ZNF365: variants seen among roughly 807,000 people sequenced by gnomAD.
The protein encoded by ZNF365 is zinc finger protein 365, also known as protein ZNF365.
A neutral mutation model predicts 35.0 loss-of-function variants in ZNF365; 22 were observed. The ratio of observed to expected loss-of-function variants is 0.63; its 90% CI spans 0.45 to 0.90. The LOEUF is 0.90. Among genes scored for constraint, ZNF365 ranks in the 40% least tolerant of loss-of-function variants. ZNF365 has a pLI of 0.00. For synonymous variants in ZNF365, 188 were observed against 196.2 expected, an observed-to-expected ratio of 0.96 and a Z score of 0.35; for missense variants, 448 against 500.3, an observed-to-expected ratio of 0.90 and a Z score of 1.00.
intron 3 of ZNF365, among the ~76,000 whole-genome samples, chr10:62,439,207 A>G (rs1028377638): frequency 5.3e-5 from 8 of 151,418 alleles, no homozygotes; most frequent in African/African-American, 1.9e-4. Context: ...AATTCTTCTC[A>G]TCTTTCAACT....
chr10:62,457,652 G>A (rs1265482495), intron 3 of ZNF365, among the ~76,000 whole-genome samples: 6 of 152,216 alleles, frequency 3.9e-5, no homozygotes. Flanking sequence ...GACACCACAT[G>A]TATAACAGTT....
chr10:62,464,655 A>ATATT (rs1329155396), intron 4 of ZNF365, among the ~76,000 whole-genome samples: 1 of 152,232 alleles, frequency 6.6e-6, no homozygotes, highest in Non-Finnish European at 1.5e-5. Flanking sequence ...TTTGACAGAT[A>ATATT]TATTCCTTTC....
chr10:62,384,253 A>T (rs1839489094), intron 2 of ZNF365, among the ~76,000 whole-genome samples: 1 of 152,158 alleles, frequency 6.6e-6, no homozygotes, highest in Admixed American at 6.5e-5. Context: ...CTGGCCTTCC[A>T]GCTTTCACAC....
chr10:62,471,171 C>A (rs1302552274), intron 4 of ZNF365, among the ~76,000 whole-genome samples: 2 of 151,938 alleles, frequency 1.3e-5, no homozygotes, highest in Non-Finnish European at 2.9e-5. Flanking sequence ...TCGAGATCAT[C>A]CTGGCTAACA....
chr10:62,414,236 G>T (rs998610314), intron 3 of ZNF365, among the ~76,000 whole-genome samples: 15 of 151,242 alleles, frequency 9.9e-5, no homozygotes, highest in African/African-American at 3.6e-4. Flanking sequence ...ATCTCTTTCT[G>T]TCACCCAGGC....
chr10:62,405,744 G>T (rs1414525795), downstream of ZNF365, among the ~76,000 whole-genome samples: 1 of 152,180 alleles, frequency 6.6e-6, no homozygotes, highest in African/African-American at 2.4e-5. Context: ...GCATATGTTT[G>T]TGGACATTTC....
At chr10:62,404,141 G>A (rs1839871391), downstream of ZNF365, among the ~76,000 whole-genome samples, 1 of 152,048 alleles carries the variant, frequency 6.6e-6, no homozygotes, top group African/African-American at 2.4e-5. Context: ...AGTTTTTCCA[G>A]TAGAGGAACC....
Position 62,400,423 on chromosome 10 carries a change from T to G in ZNF365, c.*634T>G. The G allele has an allele frequency of 1.0e-6, 1 of 986,116 alleles. No individual in the cohort carries two copies. The highest frequency in any genetic ancestry group is 1.7e-5 in the African/African-American group (1 of 57,330). The allele number at this position is 986,116 out of a possible 1,614,324, so 61.1% of individuals were successfully genotyped here. A position where few individuals can be genotyped will look rare whatever the true frequency, so the allele number is the denominator to read the frequency against. On this transcript the variant is annotated 3_prime_UTR_variant, in exon 5 of 5. Transcript: ENST00000395254. ...TCAGTTCGTTTGTTTGATTGAGGTT[T>G]TTTGGTGGCCTAGATGCATGTTTAT...
At chr10:62,397,136 T>C (rs1239069879) in intron 3 of ZNF365, among the ~76,000 whole-genome samples, 1 of 152,214 alleles carries the variant, frequency 6.6e-6, no homozygotes, top group Non-Finnish European at 1.5e-5. Context: ...GTGATAACGG[T>C]GCCTTTTTCT....
At chr10:62,428,130 A>T (rs980690792) in intron 3 of ZNF365, among the ~76,000 whole-genome samples, 1 of 152,158 alleles carries the variant, frequency 6.6e-6, no homozygotes, top group Admixed American at 6.5e-5. Flanking sequence ...CACAAATATT[A>T]TGATATTTAC....
chr10:62,398,587 GATGCA>G (rs1240134538), intron 3 of ZNF365, among the ~76,000 whole-genome samples, 148 bp from the exon 4 acceptor site: 1 of 152,164 alleles, frequency 6.6e-6, no homozygotes, highest in Non-Finnish European at 1.5e-5. Flanking sequence ...CTTGTTCACT[GATGCA>G]ATGGATGGTG....
chr10:62,467,290 AT>A (rs930272968), intron 4 of ZNF365, among the ~76,000 whole-genome samples: 44 of 151,874 alleles, frequency 2.9e-4, no homozygotes, highest in Middle Eastern at 3.4e-3. Context: ...AAAATTGTAG[AT>A]TTTTTTTTGT....
At chr10:62,391,764 C>T (rs1839634999) in intron 3 of ZNF365, among the ~76,000 whole-genome samples, 1 of 152,186 alleles carries the variant, frequency 6.6e-6, no homozygotes, top group Non-Finnish European at 1.5e-5. Flanking sequence ...GGTAGATACC[C>T]AGTAGTGGGA....
intron 3 of ZNF365, among the ~76,000 whole-genome samples, chr10:62,392,834 A>G (rs1839655489): frequency 6.6e-6 from 1 of 152,034 alleles, no homozygotes; most frequent in Admixed American, 6.5e-5. Flanking sequence ...GTTTCACCAC[A>G]TTGACCAGGC....
Position 62,401,763 on chromosome 10 carries a change from T to C in ZNF365, c.*1974T>C. 2.0e-6 allele frequency: 2 copies of C among 985,556 alleles called. No homozygotes were observed. Among genetic ancestry groups the C allele is most frequent in the Non-Finnish European group, 2.4e-6 (2 of 829,912 alleles). 61.1% of individuals were successfully genotyped at this position (985,556 alleles called of 1,614,324 possible). ...CAATGACAACTTGTTTCTGTTTTAT[T>C]TAAAGTAACTGACATTTTGGATTTT... On this transcript the variant is annotated 3_prime_UTR_variant, in exon 5 of 5. Coordinates refer to ENST00000395254, the MANE Select transcript of ZNF365 (RefSeq NM_014951.3).
intron 3 of ZNF365, 129 bp from the exon 4 acceptor site, chr10:62,398,611 C>A: frequency 1.3e-6 from 1 of 750,168 alleles, no homozygotes; most frequent in Non-Finnish European, 2.2e-6. Context: ...TGCTGCAGGT[C>A]GTGCTACCAG....
At chr10:62,406,751 G>C (rs1839910542), downstream of ZNF365, among the ~76,000 whole-genome samples, 1 of 152,122 alleles carries the variant, frequency 6.6e-6, no homozygotes, top group Non-Finnish European at 1.5e-5. Context: ...GTGAACCCTG[G>C]GAAGTAACAT....
At chr10:62,446,190 T>G (rs1840585381) in intron 3 of ZNF365, among the ~76,000 whole-genome samples, 1 of 152,190 alleles carries the variant, frequency 6.6e-6, no homozygotes, top group Non-Finnish European at 1.5e-5. Context: ...GACCCAGAGT[T>G]CCAAGTAGCA....
Position 62,467,455 on chromosome 10 carries a change from A to G in ZNF365, c.981+7658A>G, listed in dbSNP as rs1840962558. Among the ~76,000 whole-genome samples, 3 of 152,236 alleles carry G rather than the reference A, an allele frequency of 2.0e-5. No homozygotes were observed. The South Asian group carries it at 6.2e-4, about 32-fold the overall frequency. On this transcript the variant is annotated intron_variant, in intron 4 of 4. Transcript: ENST00000395255. ...TCAGATCAAAGACTTCTGGGAATTA[A>G]TGAGTATCTTGAGAGAAACAATCTG...
Sources: gnomAD v4.1 joint callset for allele counts (sites outside exome capture counted in the v4.1 genomes callset) on GRCh38, gnomAD v4.1.1 for gene constraint, MANE v1.5 for transcripts, NCBI Gene and HGNC (gene_info 2026-07-23, HGNC 2026-07-21) for gene names.